Variants in TTC28 observed in about 807,000 individuals in gnomAD.
TTC28 encodes tetratricopeptide repeat domain 28.
TTC28 carries 61 observed loss-of-function variants against 198.0 expected under a neutral mutation model. That is an observed-to-expected ratio of 0.31 (90% CI 0.25 to 0.38). The LOEUF is 0.38. Among genes scored for constraint, TTC28 ranks in the 10% least tolerant of loss-of-function variants. The pLI, the probability that TTC28 is intolerant of heterozygous loss-of-function variation, is 1.00. For missense variants in TTC28, 2,678 were observed against 3,164.0 expected, an observed-to-expected ratio of 0.85 and a Z score of 3.69; for synonymous variants, 1,171 against 1,297.8, an observed-to-expected ratio of 0.90 and a Z score of 2.10.
chr22:28,453,292 T>G (rs2047812164), intron 2 of TTC28, among the ~76,000 whole-genome samples: 1 of 152,204 alleles, frequency 6.6e-6, no homozygotes, highest in East Asian at 1.9e-4. Flanking sequence ...AAAACACAAA[T>G]TTTTCTTGCA....
chr22:28,341,880 G>C (rs1275889232), intron 2 of TTC28, among the ~76,000 whole-genome samples: 2 of 152,138 alleles, frequency 1.3e-5, no homozygotes, highest in African/African-American at 4.8e-5. Context: ...TTGAAAGGCT[G>C]AGGTGGGAAG....
chr22:28,201,751 C>CAAAAAAAAAA (rs34790960), intron 5 of TTC28, among the ~76,000 whole-genome samples: 1 of 81,006 alleles, frequency 1.2e-5, no homozygotes, highest in Admixed American at 1.4e-4. Flanking sequence ...TTACAGAAAG[C>CAAAAAAAAAA]AAAAAAAAAA....
At chr22:28,538,446 A>C (rs1166788194) in intron 2 of TTC28, among the ~76,000 whole-genome samples, 2 of 152,022 alleles carry the variant, frequency 1.3e-5, no homozygotes, top group African/African-American at 4.8e-5. Context: ...GAAACTGGTA[A>C]TGCGTGTTGC....
chr22:28,278,287 T>C (rs954450791), intron 5 of TTC28, among the ~76,000 whole-genome samples: 2 of 152,180 alleles, frequency 1.3e-5, no homozygotes, highest in African/African-American at 4.8e-5. Flanking sequence ...TACACAAAAA[T>C]GAGAAATCTA....
intron 2 of TTC28, among the ~76,000 whole-genome samples, chr22:28,506,142 C>T (rs1341916592): frequency 6.6e-6 from 1 of 152,210 alleles, no homozygotes; most frequent in African/African-American, 2.4e-5. Flanking sequence ...GAGTCCTGAT[C>T]TCTCCCTGGG....
At chr22:28,212,342 GT>G (rs1251943790) in intron 5 of TTC28, among the ~76,000 whole-genome samples, 4 of 151,150 alleles carry the variant, frequency 2.6e-5, no homozygotes, top group Non-Finnish European at 4.4e-5. Context: ...CCAGGAGCTG[GT>G]TTTTTGAAAA....
intron 5 of TTC28, among the ~76,000 whole-genome samples, chr22:28,242,138 C>T (rs1338411275): frequency 6.6e-6 from 1 of 152,108 alleles, no homozygotes; most frequent in Admixed American, 6.5e-5. Context: ...CTTTTTGTTC[C>T]CTCAGTGGAA....
intron 3 of TTC28, 134 bp downstream of exon 3, chr22:28,306,362 T>C: frequency 9.3e-7 from 1 of 1,071,052 alleles, no homozygotes; most frequent in Non-Finnish European, 1.3e-6. Context: ...TTCTTGATCT[T>C]CCTTGGTCTA....
chr22:28,486,859 A>G (rs1294825466), intron 2 of TTC28, among the ~76,000 whole-genome samples: 5 of 152,212 alleles, frequency 3.3e-5, no homozygotes, highest in African/African-American at 1.2e-4. Flanking sequence ...GACATAAAAT[A>G]CCATGTATAT....
At chr22:28,032,258 TATATATATA>T (rs1601538538) in intron 12 of TTC28, among the ~76,000 whole-genome samples, 11 of 93,366 alleles carry the variant, frequency 1.2e-4, no homozygotes, top group East Asian at 1.1e-3. Flanking sequence ...AAAATATATA[TATATATATA>T]GTGTGTGTGT....
In TTC28 at chr22:28,163,192, C is replaced by G; in HGVS notation, c.1341G>C (p.Met447Ile). ...ATTGTTTAGCTCTCTCCAAATCCTGCATGCACCTGGCAGCATGGCCTAGTC... is the reference window on the plus strand; with the variant it reads ...ATTGTTTAGCTCTCTCCAAATCCTGGATGCACCTGGCAGCATGGCCTAGTC... ...YAGLGHAARC[M>I]QDLERAKQYH... The change falls in exon 6 of 23, where the codon ATG (methionine) becomes ATC (isoleucine). Residue 447 changes from methionine to isoleucine, a missense_variant. Around this residue, in one of 8 missense-constraint regions of TTC28, gnomAD observed 775 missense variants for 845.9 expected, o/e 0.92. Coordinates refer to ENST00000397906, the MANE Select transcript of TTC28 (RefSeq NM_001145418.2). 6.4e-7 allele frequency: 1 copy of G among 1,551,740 alleles called. No homozygotes were observed.
At chr22:28,191,298 T>C (rs1924721062) in intron 5 of TTC28, among the ~76,000 whole-genome samples, 1 of 152,198 alleles carries the variant, frequency 6.6e-6, no homozygotes, top group East Asian at 1.9e-4. Context: ...ATGAAAACAA[T>C]TGGTTCAGAA....
intron 4 of TTC28, 74 bp downstream of exon 4, chr22:28,297,506 T>C: frequency 6.8e-7 from 1 of 1,475,758 alleles, no homozygotes; most frequent in Non-Finnish European, 9.1e-7. Context: ...CATTGCATAT[T>C]ATTCTCATTC....
intron 5 of TTC28, among the ~76,000 whole-genome samples, chr22:28,284,993 G>A (rs1430738821): frequency 6.6e-6 from 1 of 152,186 alleles, no homozygotes; most frequent in African/African-American, 2.4e-5. Context: ...CTACGTCTGA[G>A]TATATATCCA....
At chr22:28,522,904 C>G (rs1025193065) in intron 2 of TTC28, among the ~76,000 whole-genome samples, 1 of 151,424 alleles carries the variant, frequency 6.6e-6, no homozygotes, top group East Asian at 1.9e-4. Context: ...GGAGAGTGAT[C>G]GTTAATGGGT....
At chr22:28,358,875 T>C (rs1369162459) in intron 2 of TTC28, among the ~76,000 whole-genome samples, 2 of 152,186 alleles carry the variant, frequency 1.3e-5, no homozygotes, top group Non-Finnish European at 2.9e-5. Flanking sequence ...GTTCTTATTC[T>C]TTGCTCTGTC....
At chr22:28,426,667 A>T (rs1230484434) in intron 2 of TTC28, among the ~76,000 whole-genome samples, 1 of 152,122 alleles carries the variant, frequency 6.6e-6, no homozygotes, top group Non-Finnish European at 1.5e-5. Context: ...TTTCCCCCTC[A>T]GTATTCCTCT....
chr22:28,079,249 G>A (rs1941259658), intron 12 of TTC28, among the ~76,000 whole-genome samples: 1 of 152,210 alleles, frequency 6.6e-6, no homozygotes, highest in African/African-American at 2.4e-5. Flanking sequence ...AGATAAGATA[G>A]GAAGTGGTAG....
At chr22:28,190,134 T>C (rs1409088600) in intron 5 of TTC28, among the ~76,000 whole-genome samples, 1 of 152,240 alleles carries the variant, frequency 6.6e-6, no homozygotes, top group African/African-American at 2.4e-5. Context: ...AAAGCCAAGC[T>C]GGCTGTGCCC....
Sources: allele counts gnomAD v4.1 joint callset (sites outside exome capture counted in the v4.1 genomes callset), GRCh38; gene constraint gnomAD v4.1.1; regional missense constraint gnomAD v4.1.1; transcripts MANE v1.5; gene names NCBI Gene and HGNC (gene_info 2026-07-23, HGNC 2026-07-21).